CHRM3: variants seen among roughly 807,000 people sequenced by gnomAD.
CHRM3 encodes muscarinic acetylcholine receptor M3.
In CHRM3, 11 loss-of-function variants were observed where a neutral mutation model predicts 41.8. That is an observed-to-expected ratio of 0.26 (90% CI 0.17 to 0.44). The LOEUF (loss-of-function observed/expected upper bound fraction) is 0.44, where lower values mean the gene tolerates loss of function less well. Among genes scored for constraint, CHRM3 ranks in the 20% least tolerant of loss-of-function variants. CHRM3 has a pLI of 1.00. For missense variants in CHRM3, 571 were observed against 745.4 expected (o/e 0.77, Z 2.72); for synonymous variants, 297 against 301.4 (o/e 0.99, Z 0.15).
chr1:239,525,320 CAG>C (rs1260991087), intron 2 of CHRM3, among the ~76,000 whole-genome samples: 2 of 150,270 alleles, frequency 1.3e-5, no homozygotes, highest in Non-Finnish European at 3.0e-5. Flanking sequence ...GCCCTGGTGA[CAG>C]AGAGAGATGC....
intron 5 of CHRM3, among the ~76,000 whole-genome samples, chr1:239,691,836 G>A (rs1490486437): frequency 6.6e-6 from 1 of 152,118 alleles, no homozygotes; most frequent in African/African-American, 2.4e-5. Flanking sequence ...AGGCTTACAA[G>A]CTCCAAAGGA....
At chr1:239,439,553 G>A (rs986531003) in intron 1 of CHRM3, among the ~76,000 whole-genome samples, 1 of 152,126 alleles carries the variant, frequency 6.6e-6, no homozygotes, top group Admixed American at 6.6e-5. Flanking sequence ...GGGTGAGAAA[G>A]CATTTATTGG....
chr1:239,680,994 T>C (rs904806499), intron 5 of CHRM3, among the ~76,000 whole-genome samples: 1 of 152,068 alleles, frequency 6.6e-6, no homozygotes, highest in East Asian at 1.9e-4. Flanking sequence ...TGAAAGGCAC[T>C]TCTTACATGG....
At chr1:239,521,161 C>T (rs950478201) in intron 2 of CHRM3, among the ~76,000 whole-genome samples, 6 of 152,214 alleles carry the variant, frequency 3.9e-5, no homozygotes, top group Admixed American at 2.0e-4. Context: ...CTTCCAATTA[C>T]TGCAGCAAAC....
chr1:239,634,376 C>CGAAA (rs370634927), intron 4 of CHRM3, among the ~76,000 whole-genome samples: 8,723 of 135,454 alleles, frequency 0.064, 308 homozygotes, highest in South Asian at 0.11. Context: ...CAAGAACAAA[C>CGAAA]GAAAGAAAGA....
rs191890834 is a variant in CHRM3, at chr1:239,434,909, T to C, written c.-521+47682T>C. Among the ~76,000 whole-genome samples, 10 of 152,314 alleles carry C rather than the reference T, an allele frequency of 6.6e-5. No homozygotes were observed. In the East Asian group the frequency reaches 1.9e-3, roughly 29 times the overall value. Reference sequence around the variant, plus strand: ...TTGAAATTTCCAAATTATCAGCTTATGGAAACGGAAGTGGACCTCCTCGAG... The same window carrying C: ...TTGAAATTTCCAAATTATCAGCTTACGGAAACGGAAGTGGACCTCCTCGAG... On this transcript the variant is annotated intron_variant, in intron 1 of 6. Transcript: ENST00000676153.
At chr1:239,619,840 G>T (rs917595282) in intron 3 of CHRM3, among the ~76,000 whole-genome samples, 16 of 152,170 alleles carry the variant, frequency 1.1e-4, no homozygotes, top group African/African-American at 3.9e-4. Flanking sequence ...GATTCAGGGT[G>T]GGGGTGGAGG....
intron 5 of CHRM3, among the ~76,000 whole-genome samples, chr1:239,810,739 A>G (rs1380466628): frequency 6.6e-6 from 1 of 152,260 alleles, no homozygotes; most frequent in Non-Finnish European, 1.5e-5. Context: ...GAGCTAACCC[A>G]TGAGGTTGAA....
intron 1 of CHRM3, among the ~76,000 whole-genome samples, chr1:239,479,401 G>A (rs909406418): frequency 2.6e-5 from 4 of 152,128 alleles, no homozygotes; most frequent in African/African-American, 7.2e-5. Flanking sequence ...ATTAGTAGGC[G>A]AACAAAGATA....
chr1:239,469,964 T>C (rs1332818759), intron 1 of CHRM3, among the ~76,000 whole-genome samples: 1 of 152,050 alleles, frequency 6.6e-6, no homozygotes, highest in Non-Finnish European at 1.5e-5. Context: ...GAGTCTCAGG[T>C]GAAGGCTTAA....
intron 5 of CHRM3, among the ~76,000 whole-genome samples, chr1:239,683,218 G>A (rs1658739745): frequency 6.6e-6 from 1 of 152,078 alleles, no homozygotes; most frequent in Non-Finnish European, 1.5e-5. Context: ...AATATTTGTG[G>A]AATGAGTAAA....
At chr1:239,582,988 C>T (rs1324867579) in intron 3 of CHRM3, among the ~76,000 whole-genome samples, 6 of 152,200 alleles carry the variant, frequency 3.9e-5, no homozygotes, top group Non-Finnish European at 8.8e-5. Flanking sequence ...GTGCTCCTCT[C>T]AATTACTTGG....
intron 1 of CHRM3, among the ~76,000 whole-genome samples, chr1:239,424,066 A>G (rs1037686416): frequency 1.3e-5 from 2 of 151,698 alleles, no homozygotes; most frequent in Non-Finnish European, 2.9e-5. Context: ...AAAAAAAAAA[A>G]AAAAAGAAAA....
At chr1:239,837,901 C>G (rs1298493711) in intron 6 of CHRM3, among the ~76,000 whole-genome samples, 1 of 152,152 alleles carries the variant, frequency 6.6e-6, no homozygotes, top group Non-Finnish European at 1.5e-5. Context: ...GCTGAAACAG[C>G]TAGAGTTCTA....
At chr1:239,649,618 T>C (rs2148961161) in intron 4 of CHRM3, among the ~76,000 whole-genome samples, 1 of 152,190 alleles carries the variant, frequency 6.6e-6, no homozygotes, top group East Asian at 1.9e-4. Context: ...AGGGCTTTTG[T>C]AAGCTAGGAG....
intron 5 of CHRM3, among the ~76,000 whole-genome samples, chr1:239,755,821 T>G (rs2148612374): frequency 6.6e-6 from 1 of 152,326 alleles, no homozygotes; most frequent in East Asian, 1.9e-4. Flanking sequence ...AATTTGGGAA[T>G]GTTGGAAAGT....
chr1:239,657,722 T>C (rs546156477), intron 4 of CHRM3, among the ~76,000 whole-genome samples: 44 of 152,362 alleles, frequency 2.9e-4, no homozygotes, highest in African/African-American at 9.6e-4. Flanking sequence ...ATTTGAAGTA[T>C]GGAGAGGAAA....
chr1:239,545,308 TG>T, intron 2 of CHRM3, among the ~76,000 whole-genome samples: 1 of 152,128 alleles, frequency 6.6e-6, no homozygotes, highest in East Asian at 1.9e-4. Flanking sequence ...GTGATAATAA[TG>T]GACATTAGAG....
intron 3 of CHRM3, among the ~76,000 whole-genome samples, chr1:239,583,964 G>T (rs1168351092): frequency 6.6e-6 from 1 of 152,078 alleles, no homozygotes; most frequent in Non-Finnish European, 1.5e-5. Context: ...AGGCGTTGAG[G>T]AATAGAAAAT....
Sources: allele counts gnomAD v4.1 joint callset (sites outside exome capture counted in the v4.1 genomes callset), GRCh38; gene constraint gnomAD v4.1.1; transcripts MANE v1.5; gene names NCBI Gene and HGNC (gene_info 2026-07-23, HGNC 2026-07-21).